Variants in GALNTL6 observed in about 807,000 individuals in gnomAD.
GALNTL6 encodes polypeptide N-acetylgalactosaminyltransferase like 6.
A neutral mutation model predicts 73.7 loss-of-function variants in GALNTL6; 46 were observed. The observed-to-expected ratio is 0.62, with a 90% CI of 0.49 to 0.80. The LOEUF is 0.80. Among genes scored for constraint, GALNTL6 ranks in the 30% least tolerant of loss-of-function variants. The pLI is 0.00. For missense variants in GALNTL6, 604 were observed against 755.0 expected (o/e 0.80, Z 2.34); for synonymous variants, 259 against 263.7 (o/e 0.98, Z 0.17).
chr4:171,974,541 A>T (rs760537485), intron 2 of GALNTL6, among the ~76,000 whole-genome samples: 1 of 152,208 alleles, frequency 6.6e-6, no homozygotes, highest in Non-Finnish European at 1.5e-5. Flanking sequence ...GATATATTCA[A>T]AGAATGATTT....
intron 5 of GALNTL6, among the ~76,000 whole-genome samples, chr4:172,416,787 A>G (rs1730852678): frequency 6.6e-6 from 1 of 152,202 alleles, no homozygotes; most frequent in African/African-American, 2.4e-5. Context: ...TTTAAAAAGT[A>G]GCTGATGACA....
At chr4:173,028,103 T>A (rs1055326848) in intron 12 of GALNTL6, among the ~76,000 whole-genome samples, 1 of 152,112 alleles carries the variant, frequency 6.6e-6, no homozygotes, top group African/African-American at 2.4e-5. Flanking sequence ...GATCCAAACA[T>A]TTAATGCAAA....
intron 2 of GALNTL6, among the ~76,000 whole-genome samples, chr4:172,158,216 A>T (rs955682459): frequency 6.6e-6 from 1 of 152,192 alleles, no homozygotes; most frequent in Non-Finnish European, 1.5e-5. Context: ...ATATATAACT[A>T]TCAAATATTT....
At chr4:173,011,888 G>T (rs1752568655) in intron 11 of GALNTL6, among the ~76,000 whole-genome samples, 1 of 152,094 alleles carries the variant, frequency 6.6e-6, no homozygotes, top group Non-Finnish European at 1.5e-5. Flanking sequence ...AATTGCCTTT[G>T]CTCTCTTTTA....
At chr4:172,347,440 T>A (rs925626836) in intron 4 of GALNTL6, among the ~76,000 whole-genome samples, 2 of 152,212 alleles carry the variant, frequency 1.3e-5, no homozygotes, top group African/African-American at 4.8e-5. Context: ...TGAAGTGTAA[T>A]GGTTCTCACA....
At chr4:171,835,672 T>C in intron 2 of GALNTL6, among the ~76,000 whole-genome samples, 1 of 152,060 alleles carries the variant, frequency 6.6e-6, no homozygotes, top group South Asian at 2.1e-4. Flanking sequence ...AAAGTGAAAA[T>C]AGTCATGTAT....
chr4:172,008,858 C>T (rs1448808039), intron 2 of GALNTL6, among the ~76,000 whole-genome samples: 1 of 152,026 alleles, frequency 6.6e-6, no homozygotes, highest in East Asian at 1.9e-4. Flanking sequence ...TGCGAATCTA[C>T]CTCTACTGCT....
chr4:172,631,026 TAG>T lies in GALNTL6; in HGVS notation c.554-178332_554-178331del, dbSNP rs1439061474. ...ATGAAAAATGTAATTGACAATTGCATAGAGTCATTATGTAAATGAAACATCAA... is the reference window on the plus strand; with the variant it reads ...ATGAAAAATGTAATTGACAATTGCATAGTCATTATGTAAATGAAACATCAA... On this transcript the variant is annotated intron_variant, in intron 5 of 12. Coordinates refer to ENST00000506823, the MANE Select transcript of GALNTL6 (RefSeq NM_001034845.3). Among the ~76,000 whole-genome samples the T allele has an allele frequency of 1.4e-4, 22 of 151,940 alleles. No homozygotes were observed. In the South Asian group the frequency reaches 3.7e-3, roughly 26 times the overall value.
At chr4:172,840,551 C>A (rs372962461) in intron 7 of GALNTL6, among the ~76,000 whole-genome samples, 1 of 152,196 alleles carries the variant, frequency 6.6e-6, no homozygotes, top group Non-Finnish European at 1.5e-5. Context: ...GACTCACACA[C>A]CAACATTTAT....
At chr4:172,841,668 A>G (rs552462974) in intron 7 of GALNTL6, among the ~76,000 whole-genome samples, 1 of 152,268 alleles carries the variant, frequency 6.6e-6, no homozygotes, top group East Asian at 1.9e-4. Context: ...AAAAACTACC[A>G]TTTATAAAAC....
At position 171,965,657 on chromosome 4, in the gene GALNTL6, G is replaced by GGAAA. The variant is rs1553976365; in HGVS notation, c.138+150939_138+150940insGAAA. Among the ~76,000 whole-genome samples, 19 of 100,364 alleles carry GGAAA rather than the reference G, an allele frequency of 1.9e-4. No individual in the cohort carries two copies. In the Admixed American group the frequency reaches 2.4e-3, roughly 13 times the overall value. 65.8% of individuals were successfully genotyped at this position (100,364 alleles called of 152,430 possible). ...GGCGACAGAGCGAGACTCCGTCTCA[G>GGAAA]AAAAAAAAAAAAAAAGAAGAAGAAG... On this transcript the variant is annotated intron_variant, in intron 2 of 12. Coordinates refer to ENST00000506823, the MANE Select transcript of GALNTL6 (RefSeq NM_001034845.3).
At chr4:172,653,151 G>A (rs975367621) in intron 5 of GALNTL6, among the ~76,000 whole-genome samples, 6 of 151,002 alleles carry the variant, frequency 4.0e-5, no homozygotes, top group Admixed American at 1.3e-4. Flanking sequence ...AATCTCCTGC[G>A]ACTTTCTTCA....
intron 2 of GALNTL6, among the ~76,000 whole-genome samples, chr4:171,868,174 A>C (rs1226621554): frequency 6.6e-6 from 1 of 151,864 alleles, no homozygotes; most frequent in Non-Finnish European, 1.5e-5. Context: ...CTTTTAGTAG[A>C]GAAAGATTCT....
chr4:172,399,900 G>T (rs1401662364), intron 5 of GALNTL6, among the ~76,000 whole-genome samples: 1 of 151,938 alleles, frequency 6.6e-6, no homozygotes, highest in Admixed American at 6.6e-5. Context: ...AAACAAGAAG[G>T]TTTTCTTTTT....
At chr4:172,732,304 T>C (rs1323546713) in intron 5 of GALNTL6, among the ~76,000 whole-genome samples, 1 of 152,178 alleles carries the variant, frequency 6.6e-6, no homozygotes, top group Non-Finnish European at 1.5e-5. Flanking sequence ...CTTGTCTTTT[T>C]TCACAGTCTG....
At chr4:172,631,191 G>T (rs972543314) in intron 5 of GALNTL6, among the ~76,000 whole-genome samples, 2 of 151,656 alleles carry the variant, frequency 1.3e-5, no homozygotes, top group South Asian at 4.2e-4. Flanking sequence ...GCCCAGGCTG[G>T]AGTGCAGTGG....
chr4:172,120,711 T>A (rs916156672), intron 2 of GALNTL6, among the ~76,000 whole-genome samples: 1 of 152,044 alleles, frequency 6.6e-6, no homozygotes, highest in African/African-American at 2.4e-5. Flanking sequence ...AAGAGAATGA[T>A]AATGGACAGA....
At position 172,315,748 on chromosome 4, in the gene GALNTL6, A is replaced by G. The variant is rs558741466; in HGVS notation, c.386+3996A>G. 4.0e-4 allele frequency among the ~76,000 whole-genome samples: 60 copies of G among 151,806 alleles called. 1 individual carries two copies. In the South Asian group the frequency reaches 0.012, roughly 31 times the overall value. Reference sequence around the variant, plus strand: ...TTTACAATGAGCACTTCTGTATGACAAATGTCCAGTCAATGGATATCTCGG... The same window carrying G: ...TTTACAATGAGCACTTCTGTATGACGAATGTCCAGTCAATGGATATCTCGG... On this transcript the variant is annotated intron_variant, in intron 4 of 12. Transcript: ENST00000506823.
At chr4:172,489,370 C>T (rs1733816368) in intron 5 of GALNTL6, among the ~76,000 whole-genome samples, 2 of 152,026 alleles carry the variant, frequency 1.3e-5, no homozygotes, top group Non-Finnish European at 2.9e-5. Context: ...AATAAGCTTT[C>T]GAACTTTAGA....
Sources: gnomAD v4.1 joint callset for allele counts (sites outside exome capture counted in the v4.1 genomes callset) on GRCh38, gnomAD v4.1.1 for gene constraint, MANE v1.5 for transcripts, NCBI Gene and HGNC (gene_info 2026-07-23, HGNC 2026-07-21) for gene names.